DGKD: variants seen among roughly 807,000 people sequenced by gnomAD.
DGKD encodes diacylglycerol kinase delta, also known as DAG kinase delta.
DGKD carries 68 observed loss-of-function variants against 154.4 expected under a neutral mutation model. The observed-to-expected ratio is 0.44, with a 90% CI of 0.36 to 0.54. The LOEUF (loss-of-function observed/expected upper bound fraction) is 0.54. Ranked by LOEUF, DGKD falls within the 20% of genes least tolerant of loss-of-function variation. The probability of loss-of-function intolerance (pLI) is 0.00; values close to 1 mark genes in which losing one functional copy is unlikely to be tolerated. For synonymous variants in DGKD, 693 were observed against 638.0 expected, an observed-to-expected ratio of 1.09 and a Z score of -1.30; for missense variants, 1,343 against 1,593.6, an observed-to-expected ratio of 0.84 and a Z score of 2.68.
At chr2:233,376,036 A>G (rs1702558862) in intron 1 of DGKD, among the ~76,000 whole-genome samples, 1 of 152,006 alleles carries the variant, frequency 6.6e-6, no homozygotes, top group African/African-American at 2.4e-5. Context: ...CGATAGGGAG[A>G]TGGATTTTGT....
At chr2:233,389,545 A>G (rs2125442168) in intron 2 of DGKD, among the ~76,000 whole-genome samples, 1 of 151,188 alleles carries the variant, frequency 6.6e-6, no homozygotes, top group African/African-American at 2.5e-5. Flanking sequence ...CAGCTTGTTT[A>G]GAAAGGGTTC....
At chr2:233,432,922 T>C (rs2062577582) in intron 3 of DGKD, among the ~76,000 whole-genome samples, 1 of 152,170 alleles carries the variant, frequency 6.6e-6, no homozygotes, top group Non-Finnish European at 1.5e-5. Flanking sequence ...ACAATGACTT[T>C]TATCCAAAAG....
At chr2:233,372,929 A>G (rs1367336548) in intron 1 of DGKD, among the ~76,000 whole-genome samples, 4 of 152,252 alleles carry the variant, frequency 2.6e-5, no homozygotes, top group Non-Finnish European at 1.5e-5. Flanking sequence ...TTAAATATAA[A>G]AAGTTGCAAG....
chr2:233,373,443 G>A (rs1702421595), intron 1 of DGKD, among the ~76,000 whole-genome samples: 1 of 152,180 alleles, frequency 6.6e-6, no homozygotes, highest in Non-Finnish European at 1.5e-5. Flanking sequence ...GGCATAACAT[G>A]CTTCCCGTCA....
intron 14 of DGKD, among the ~76,000 whole-genome samples, chr2:233,448,902 A>AATTTCCCAC (rs1237964169): frequency 6.6e-6 from 1 of 152,122 alleles, no homozygotes; most frequent in East Asian, 1.9e-4. Context: ...CAATTTCCCC[A>AATTTCCCAC]ATTTCCCACC....
chr2:233,462,539 C>A, intron 25 of DGKD, 80 bp downstream of exon 25: 1 of 1,525,266 alleles, frequency 6.6e-7, no homozygotes, highest in Non-Finnish European at 9.0e-7. Flanking sequence ...GTTCATTCCC[C>A]CGCCTCCCCG....
In DGKD at chr2:233,462,386, A is replaced by G. The variant is rs1325703385; in HGVS notation, c.3020A>G (p.Gln1007Arg). ...GCTCAGTCTCACCGGGACATGGAGCAGGAACTGGCCCACGCCGTCAATGCC... is the reference window on the plus strand; with the variant it reads ...GCTCAGTCTCACCGGGACATGGAGCGGGAACTGGCCCACGCCGTCAATGCC... ...EIAQSHRDME[Q>R]ELAHAVNASS... The change falls in exon 25 of 30, where the codon CAG (glutamine) becomes CGG (arginine). Residue 1007 changes from glutamine (Q) to arginine (R), a missense_variant. Physicochemically the swap from Gln to Arg is conservative, Grantham distance 43. This residue lies in a region of DGKD where 429 missense variants were observed against 496.3 expected (regional missense o/e 0.86). Transcript: ENST00000264057. The G allele has an allele frequency of 1.2e-6, 2 of 1,604,382 alleles. No individual in the cohort carries two copies. Among genetic ancestry groups the G allele is most frequent in the Non-Finnish European group, 8.5e-7 (1 of 1,171,928 alleles).
chr2:233,424,579 G>A (rs2062229018), intron 3 of DGKD, among the ~76,000 whole-genome samples: 1 of 152,202 alleles, frequency 6.6e-6, no homozygotes, highest in Non-Finnish European at 1.5e-5. Context: ...CGTGGTGAGT[G>A]CCAGTTGCTT....
intron 3 of DGKD, among the ~76,000 whole-genome samples, chr2:233,399,812 C>G (rs1259320370): frequency 2.0e-5 from 3 of 152,138 alleles, no homozygotes; most frequent in African/African-American, 7.2e-5. Flanking sequence ...TTTCCCCCAA[C>G]ATGAGGATGT....
chr2:233,449,854 A>G lies in DGKD; in HGVS notation c.1889-128A>G. On this transcript the variant is annotated intron_variant, in intron 15 of 29. Coordinates refer to ENST00000264057, the MANE Select transcript of DGKD (RefSeq NM_152879.3). This position sits in a 1 kb window ranked among gnomAD's most constrained non-coding sequence, Gnocchi z 5.3. ...GGTGGGGGTGGGGTTTCGGAGTCCA[A>G]GCCTTTAGCCAGAGGTTGTTTGAGG... 2 of 1,198,478 alleles carry G rather than the reference A, an allele frequency of 1.7e-6. No homozygotes were observed. Among genetic ancestry groups the G allele is most frequent in the Non-Finnish European group, 2.3e-6 (2 of 887,416 alleles). The allele number at this position is 1,198,478 out of a possible 1,614,324, so 74.2% of individuals were successfully genotyped here. A position where few individuals can be genotyped will look rare whatever the true frequency, so the allele number is the denominator to read the frequency against.
intron 3 of DGKD, among the ~76,000 whole-genome samples, chr2:233,395,362 G>A (rs13385835): frequency 0.022 from 3,347 of 152,048 alleles, 57 homozygotes; most frequent in Non-Finnish European, 0.031. Context: ...TAGAGAAGGA[G>A]TTTCACCATG....
chr2:233,453,173 C>CT (rs2063342393), intron 18 of DGKD, among the ~76,000 whole-genome samples: 1 of 152,168 alleles, frequency 6.6e-6, no homozygotes, highest in Admixed American at 6.5e-5. Context: ...CTCATCTCTT[C>CT]TTTTCACCTG....
rs938456158 is a variant in DGKD at position 233,469,241 on chromosome 2, G to A, written c.3556-130G>A. 5.8e-5 allele frequency: 43 copies of A among 739,736 alleles called. No homozygotes were observed. In the African/African-American group the frequency reaches 6.5e-4, roughly 11 times the overall value. The allele number at this position is 739,736 out of a possible 1,614,324, so 45.8% of individuals were successfully genotyped here. On this transcript the variant is annotated intron_variant, in intron 29 of 29. Coordinates refer to ENST00000264057, the MANE Select transcript of DGKD (RefSeq NM_152879.3). ...TAAGCTGTTTCCATCTTGTTTTACC[G>A]TTTTTGTCATTTTGGCTCTCATTTG...
chr2:233,454,589 T>C (rs1331370445), intron 18 of DGKD, 174 bp from the exon 19 acceptor site: 1 of 588,668 alleles, frequency 1.7e-6, no homozygotes, highest in Non-Finnish European at 3.1e-6. Flanking sequence ...AATAATTGAA[T>C]TGTACATTTT....
At chr2:233,419,424 A>G (rs932477630) in intron 3 of DGKD, 2 of 985,528 alleles carry the variant, frequency 2.0e-6, no homozygotes, top group Admixed American at 6.1e-5. Flanking sequence ...GGCAGCAGGT[A>G]AGAGCCCCAG....
chr2:233,441,484 A>G lies in DGKD; in HGVS notation c.1086-403A>G, dbSNP rs116576802. 5.8e-3 allele frequency among the ~76,000 whole-genome samples: 889 copies of G among 152,276 alleles called. 10 individuals are homozygous for G. The highest frequency in any genetic ancestry group is 0.02 in the African/African-American group (831 of 41,568). ...CATGCTGGGAAGGCTGGCAGGGGCC[A>G]CATGTGGATGGGGCAGGGACAGTGA... On this transcript the variant is annotated intron_variant, in intron 9 of 29. Transcript: ENST00000264057. The surrounding 1 kb of genome is among the most constrained non-coding windows in gnomAD (Gnocchi z 5.6).
Position 233,462,376 on chromosome 2 carries a change from G to A in DGKD, c.3010G>A (p.Asp1004Asn), listed in dbSNP as rs1232372862. The change falls in exon 25 of 30, where the codon GAC becomes AAC. Residue 1004 changes from aspartate (D) to asparagine (N), a missense_variant. Coordinates refer to ENST00000264057, the MANE Select transcript of DGKD (RefSeq NM_152879.3). ...SIREIAQSHRDMEQELAHAVN... is the reference protein window; with the variant it reads ...SIREIAQSHRNMEQELAHAVN... ...CCGAGAAATAGCTCAGTCTCACCGG[G>A]ACATGGAGCAGGAACTGGCCCACGC... The A allele has an allele frequency of 1.2e-6, 2 of 1,603,256 alleles. No individual in the cohort carries two copies. Among genetic ancestry groups the A allele is most frequent in the Admixed American group, 1.7e-5 (1 of 59,804 alleles).
At chr2:233,407,175 C>G (rs752979615) in intron 3 of DGKD, among the ~76,000 whole-genome samples, 2 of 152,192 alleles carry the variant, frequency 1.3e-5, no homozygotes, top group Non-Finnish European at 2.9e-5. Context: ...CACCAGTCAT[C>G]TCTACTAGTA....
chr2:233,461,085 G>GGA (rs1453696111), intron 24 of DGKD, among the ~76,000 whole-genome samples: 1 of 151,870 alleles, frequency 6.6e-6, no homozygotes, highest in East Asian at 1.9e-4. Flanking sequence ...AAACACCCCT[G>GGA]GAGCCACTGT....
Sources: gnomAD v4.1 joint callset for allele counts (sites outside exome capture counted in the v4.1 genomes callset) on GRCh38, gnomAD v4.1.1 for gene constraint, gnomAD v4.1.1 regional missense constraint, Gnocchi (gnomAD v3.1) non-coding constraint, MANE v1.5 for transcripts, NCBI Gene and HGNC (gene_info 2026-07-23, HGNC 2026-07-21) for gene names.